Variants in DLGAP2 observed in about 807,000 individuals in gnomAD.
The protein encoded by DLGAP2 is DLG associated protein 2.
A neutral mutation model predicts 100.3 loss-of-function variants in DLGAP2; 26 were observed. The ratio of observed to expected loss-of-function variants is 0.26; its 90% CI spans 0.19 to 0.36. The LOEUF (loss-of-function observed/expected upper bound fraction) is 0.36, where lower values mean the gene tolerates loss of function less well. DLGAP2 is among the 10% of genes least tolerant of loss of function. The probability of loss-of-function intolerance (pLI) is 1.00; values close to 1 mark genes in which losing one functional copy is unlikely to be tolerated. For synonymous variants in DLGAP2, 886 were observed against 630.1 expected (o/e 1.41, Z -6.08); for missense variants, 1,858 against 1,453.2 (o/e 1.28, Z -4.53).
intron 3 of DLGAP2, among the ~76,000 whole-genome samples, chr8:1,474,414 C>A (rs933449998): frequency 6.6e-6 from 1 of 152,152 alleles, no homozygotes; most frequent in African/African-American, 2.4e-5. Flanking sequence ...GTTGCTGGGT[C>A]AAACGGTGGG....
In DLGAP2 at chr8:837,863, T is replaced by G. The variant is rs1433171142; in HGVS notation, c.19-70049T>G. On this transcript the variant is annotated intron_variant, in intron 1 of 14. Coordinates refer to ENST00000637795, the MANE Select transcript of DLGAP2 (RefSeq NM_001346810.2). ...TCCTGAGTAGCTGGGATTACAGGCATGCATCACCACGCCCGGCTAGTTGTT... is the reference window on the plus strand; with the variant it reads ...TCCTGAGTAGCTGGGATTACAGGCAGGCATCACCACGCCCGGCTAGTTGTT... Among the ~76,000 whole-genome samples, 3 of 149,534 alleles carry G rather than the reference T, an allele frequency of 2.0e-5. No individual in the cohort carries two copies. In the East Asian group the frequency reaches 5.9e-4, roughly 29 times the overall value.
At chr8:864,285 A>T (rs1399514445) in intron 1 of DLGAP2, among the ~76,000 whole-genome samples, 1 of 152,142 alleles carries the variant, frequency 6.6e-6, no homozygotes, top group Non-Finnish European at 1.5e-5. Context: ...AAGGGTGACT[A>T]CAGGTGAGAA....
chr8:1,311,990 C>G (rs1482701626), intron 3 of DLGAP2, among the ~76,000 whole-genome samples: 1 of 152,146 alleles, frequency 6.6e-6, no homozygotes, highest in African/African-American at 2.4e-5. Context: ...ATTGACAGAT[C>G]CAGCAGGCAG....
chr8:1,068,389 A>C (rs1238808826), intron 2 of DLGAP2, among the ~76,000 whole-genome samples: 4 of 152,220 alleles, frequency 2.6e-5, no homozygotes, highest in Non-Finnish European at 5.9e-5. Flanking sequence ...AATGTCTTCC[A>C]ACGCAGCTGC....
At chr8:1,103,429 CT>C (rs1804652777) in intron 2 of DLGAP2, among the ~76,000 whole-genome samples, 1 of 148,902 alleles carries the variant, frequency 6.7e-6, no homozygotes, top group African/African-American at 2.5e-5. Context: ...ACTGGCAGGG[CT>C]TTGGTTAACG....
chr8:1,222,988 C>G (rs56283612), intron 2 of DLGAP2, among the ~76,000 whole-genome samples: 8,589 of 152,176 alleles, frequency 0.056, 811 homozygotes, highest in African/African-American at 0.19. Context: ...CATGGCTGAG[C>G]TCCACTGCAG....
At chr8:1,569,496 CA>C (rs5888846) in intron 6 of DLGAP2, among the ~76,000 whole-genome samples, 64,232 of 150,674 alleles carry the variant, frequency 0.43, 14,391 homozygotes, top group South Asian at 0.59. Context: ...AAAGTTTCTG[CA>C]AAAAAAAAAT....
At chr8:821,916 G>C (rs28413782) in intron 1 of DLGAP2, among the ~76,000 whole-genome samples, 1 of 152,128 alleles carries the variant, frequency 6.6e-6, no homozygotes, top group African/African-American at 2.4e-5. Flanking sequence ...CAAACAGTTG[G>C]TGGTGATTTT....
intron 4 of DLGAP2, among the ~76,000 whole-genome samples, chr8:1,520,521 A>C (rs1472728383): frequency 6.6e-6 from 1 of 151,704 alleles, no homozygotes; most frequent in African/African-American, 2.4e-5. Context: ...AATGGTGTGG[A>C]CTCCCCACTG....
chr8:953,171 T>C (rs566591533), intron 2 of DLGAP2, among the ~76,000 whole-genome samples: 41 of 152,306 alleles, frequency 2.7e-4, no homozygotes, highest in African/African-American at 8.9e-4. Context: ...ATACAGATAT[T>C]CGAAATTTCT....
intron 2 of DLGAP2, among the ~76,000 whole-genome samples, chr8:975,809 C>A (rs1448561644): frequency 6.6e-6 from 1 of 152,292 alleles, no homozygotes; most frequent in Non-Finnish European, 1.5e-5. Context: ...AATTTCCCCT[C>A]ATATCAGAAG....
intron 2 of DLGAP2, among the ~76,000 whole-genome samples, chr8:943,387 G>T (rs1397959389): frequency 1.3e-5 from 2 of 152,262 alleles, no homozygotes; most frequent in Non-Finnish European, 2.9e-5. Context: ...CGGACACTTT[G>T]GTTTTGACTG....
At chr8:1,083,904 G>A (rs1803890026) in intron 2 of DLGAP2, among the ~76,000 whole-genome samples, 1 of 152,174 alleles carries the variant, frequency 6.6e-6, no homozygotes, top group South Asian at 2.1e-4. Flanking sequence ...CTGTGTTCGT[G>A]TTCCTAGCAA....
intron 3 of DLGAP2, among the ~76,000 whole-genome samples, chr8:1,456,216 GTC>G (rs1472012994): frequency 6.6e-6 from 1 of 152,170 alleles, no homozygotes; most frequent in Non-Finnish European, 1.5e-5. Flanking sequence ...GGACGCCCTA[GTC>G]TCTCTGCCAA....
intron 1 of DLGAP2, among the ~76,000 whole-genome samples, chr8:875,938 G>A (rs1471224330): frequency 5.9e-5 from 9 of 152,272 alleles, no homozygotes; most frequent in Admixed American, 5.9e-4. Flanking sequence ...CTCTTCTGTG[G>A]TATTATTATA....
chr8:1,337,199 GTGATGA>G, intron 3 of DLGAP2, among the ~76,000 whole-genome samples: 1 of 67,114 alleles, frequency 1.5e-5, no homozygotes, highest in East Asian at 3.1e-4. Flanking sequence ...GAGAATGATG[GTGATGA>G]TGGTGATGAT....
At chr8:1,381,870 C>T (rs1796105421) in intron 3 of DLGAP2, among the ~76,000 whole-genome samples, 1 of 149,782 alleles carries the variant, frequency 6.7e-6, no homozygotes, top group South Asian at 2.1e-4. Context: ...GATAGGAATT[C>T]CATGTCTACA....
At chr8:1,579,440 C>T (rs1803135612) in intron 6 of DLGAP2, among the ~76,000 whole-genome samples, 1 of 151,876 alleles carries the variant, frequency 6.6e-6, no homozygotes, top group South Asian at 2.1e-4. Context: ...ACTTTAAATT[C>T]ATAAAATTAA....
intron 3 of DLGAP2, among the ~76,000 whole-genome samples, chr8:1,304,486 C>T (rs1345033119): frequency 3.9e-5 from 6 of 152,164 alleles, no homozygotes; most frequent in African/African-American, 1.4e-4. Flanking sequence ...TCAGCAAAAG[C>T]AGGAGATGTA....
Sources: gnomAD v4.1 joint callset for allele counts (sites outside exome capture counted in the v4.1 genomes callset) on GRCh38, gnomAD v4.1.1 for gene constraint, MANE v1.5 for transcripts, NCBI Gene and HGNC (gene_info 2026-07-23, HGNC 2026-07-21) for gene names.